Variants in SF3B3 observed in about 807,000 individuals in gnomAD.
SF3B3 encodes splicing factor 3b subunit 3.
A neutral mutation model predicts 139.2 loss-of-function variants in SF3B3; 33 were observed. That is an observed-to-expected ratio of 0.24 (90% CI 0.18 to 0.32). SF3B3 has a LOEUF of 0.32. SF3B3 is among the 10% of genes least tolerant of loss of function. The pLI is 1.00. For missense variants in SF3B3, 818 were observed against 1,509.4 expected (o/e 0.54, Z 7.59); for synonymous variants, 596 against 563.6 (o/e 1.06, Z -0.81).
At chr16:70,552,937 G>A (rs906156602) in intron 11 of SF3B3, among the ~76,000 whole-genome samples, 1 of 152,184 alleles carries the variant, frequency 6.6e-6, no homozygotes, top group Non-Finnish European at 1.5e-5. Context: ...TTTTGAGACA[G>A]TCTCATTCTG....
intron 8 of SF3B3, among the ~76,000 whole-genome samples, chr16:70,541,051 A>G (rs2050215099): frequency 6.6e-6 from 1 of 152,230 alleles, no homozygotes; most frequent in Admixed American, 6.5e-5. Context: ...ACCATTTTAC[A>G]TTCCCAACAG....
At position 70,535,805 on chromosome 16, in the gene SF3B3, A is replaced by G. The variant is rs150157636; in HGVS notation, c.825+385A>G. On this transcript the variant is annotated intron_variant, in intron 6 of 25. Coordinates refer to ENST00000302516, the MANE Select transcript of SF3B3 (RefSeq NM_012426.5). ...GAAAATTCCAACATACAGAAAGTTT[A>G]AAAACAATGAACAATGAATTCCCAC... Among the ~76,000 whole-genome samples, 5 of 151,874 alleles carry G rather than the reference A, an allele frequency of 3.3e-5. No individual in the cohort carries two copies. The South Asian group carries it at 6.2e-4, about 19-fold the overall frequency.
At position 70,575,789 on chromosome 16, in the gene SF3B3, G is replaced by A. The variant is rs1414597076; in HGVS notation, c.*3976G>A. ...TTCAGGAAAAATCAGAAGGTCCCAA[G>A]TCTGAAAAATGAAGAGGTGGGGAGT... On this transcript the variant is annotated 3_prime_UTR_variant, in exon 26 of 26. Transcript: ENST00000302516. 1 of 152,266 alleles carries A rather than the reference G, an allele frequency of 6.6e-6. No homozygotes were observed. Among genetic ancestry groups the A allele is most frequent in the African/African-American group, 2.4e-5 (1 of 41,466 alleles). 9.4% of individuals were successfully genotyped at this position (152,266 alleles called of 1,614,324 possible).
At chr16:70,564,969 T>G in intron 18 of SF3B3, 96 bp from the exon 19 acceptor site, 2 of 1,133,538 alleles carry the variant, frequency 1.8e-6, no homozygotes, top group Non-Finnish European at 2.7e-6. Context: ...CTTTATGTAT[T>G]GAGAACCCCC....
intron 11 of SF3B3, among the ~76,000 whole-genome samples, chr16:70,552,861 T>A (rs898830632): frequency 1.3e-5 from 2 of 152,228 alleles, no homozygotes; most frequent in African/African-American, 4.8e-5. Context: ...TTAAATTGAT[T>A]TTACGTCCTG....
Position 70,561,802 on chromosome 16 carries a change from T to C in SF3B3, c.2288+18T>C. 1.2e-6 allele frequency: 2 copies of C among 1,610,224 alleles called. No individual in the cohort carries two copies. Among genetic ancestry groups the C allele is most frequent in the South Asian group, 1.1e-5 (1 of 90,752 alleles). On this transcript the variant is annotated intron_variant, in intron 17 of 25. Coordinates refer to ENST00000302516, the MANE Select transcript of SF3B3 (RefSeq NM_012426.5). The stretch of plus-strand genomic sequence containing the variant: ...ACCCTACGGTGAGTGAGTCTCATGT[T>C]TGAAGCTCAGCAGGAAGCCTTTCTG...
In SF3B3 at chr16:70,532,482, G is replaced by T; in HGVS notation, c.574G>T (p.Ala192Ser). The T allele has an allele frequency of 1.9e-6, 3 of 1,613,924 alleles. No individual in the cohort carries two copies. The highest frequency in any genetic ancestry group is 8.5e-7 in the Non-Finnish European group (1 of 1,179,902). Reference protein sequence around the residue: ...FACLEMDYEEADNDPTGEAAA... With the variant: ...FACLEMDYEESDNDPTGEAAA... ...TTTATGCCACTATTCTCTGTAGGAAGCAGACAATGATCCAACAGGGGAAGC... is the reference window on the plus strand; with the variant it reads ...TTTATGCCACTATTCTCTGTAGGAATCAGACAATGATCCAACAGGGGAAGC... The change falls in exon 5 of 26, where the codon GCA (alanine) becomes TCA (serine). Residue 192 changes from alanine (A) to serine (S), a missense_variant. Physicochemically the swap from Ala to Ser is moderately conservative, Grantham distance 99. This residue lies in a region of SF3B3 where 144 missense variants were observed against 259.2 expected (regional missense o/e 0.56). Coordinates refer to ENST00000302516, the MANE Select transcript of SF3B3 (RefSeq NM_012426.5).
intron 25 of SF3B3, 31 bp downstream of exon 25, chr16:70,571,230 A>G: frequency 6.7e-7 from 1 of 1,482,436 alleles, no homozygotes. Context: ...CTGAAAAGGG[A>G]GATCTGAGAA....
intron 3 of SF3B3, among the ~76,000 whole-genome samples, chr16:70,530,127 AAAAT>A (rs148897352): frequency 0.56 from 74,859 of 132,724 alleles, 22,348 homozygotes; most frequent in East Asian, 0.69. Flanking sequence ...CTGCATCTCA[AAAAT>A]AAATAAATAA....
chr16:70,565,344 T>C, intron 19 of SF3B3, 24 bp from the exon 20 acceptor site: 1 of 1,614,002 alleles, frequency 6.2e-7, no homozygotes. Context: ...AAGGCCTTAC[T>C]CTTGCTTCTT....
intron 12 of SF3B3, 47 bp from the exon 13 acceptor site, chr16:70,555,004 A>T: frequency 6.3e-7 from 1 of 1,582,114 alleles, no homozygotes; most frequent in Non-Finnish European, 8.7e-7. Context: ...ATTCTGAGTG[A>T]TGAATCAAAT....
Position 70,526,642 on chromosome 16 carries a change from A to G in SF3B3, c.-15A>G, listed in dbSNP as rs1294990490. 1.2e-6 allele frequency: 2 copies of G among 1,609,368 alleles called. No homozygotes were observed. The highest frequency in any genetic ancestry group is 1.7e-6 in the Non-Finnish European group (2 of 1,175,958). On this transcript the variant is annotated 5_prime_UTR_variant, in exon 2 of 26. Transcript: ENST00000302516. ...CAAGGCCTGGAGGTCTGGGTGGCTC[A>G]GGTTTCCTGCAGCCATGTTTCTGTA...
intron 8 of SF3B3, among the ~76,000 whole-genome samples, chr16:70,539,487 G>C (rs1403761837): frequency 6.6e-6 from 1 of 152,110 alleles, no homozygotes; most frequent in Non-Finnish European, 1.5e-5. Flanking sequence ...GGTGGAGATT[G>C]CAGTGAGCTG....
intron 2 of SF3B3, among the ~76,000 whole-genome samples, chr16:70,527,302 A>G (rs1485700248): frequency 6.6e-6 from 1 of 152,260 alleles, no homozygotes; most frequent in East Asian, 1.9e-4. Context: ...CAAATATTGG[A>G]TTAGGAAATA....
intron 13 of SF3B3, 61 bp downstream of exon 13, chr16:70,555,267 T>A (rs922310062): frequency 5.1e-5 from 73 of 1,445,112 alleles, no homozygotes; most frequent in South Asian, 3.1e-4. Context: ...AAGATGGGCA[T>A]TGTAGTCTAG....
intron 14 of SF3B3, 48 bp downstream of exon 14, chr16:70,556,382 A>G (rs779143509): frequency 6.2e-7 from 1 of 1,600,856 alleles, no homozygotes; most frequent in Non-Finnish European, 8.6e-7. Flanking sequence ...GAACCTGAGC[A>G]TCTGGCTCCT....
intron 6 of SF3B3, among the ~76,000 whole-genome samples, chr16:70,535,893 T>C (rs1245275330): frequency 6.6e-6 from 1 of 152,160 alleles, no homozygotes; most frequent in Non-Finnish European, 1.5e-5. Context: ...TCTCATGATA[T>C]ATCCATATAC....
intron 8 of SF3B3, among the ~76,000 whole-genome samples, chr16:70,539,517 C>T (rs954609636): frequency 2.6e-5 from 4 of 151,654 alleles, no homozygotes; most frequent in African/African-American, 9.7e-5. Context: ...CACTGCACTC[C>T]AGCCTGGGTA....
At position 70,532,447 on chromosome 16, in the gene SF3B3, A is replaced by T. The variant is rs751643516; in HGVS notation, c.571-32A>T. 4 of 1,604,646 alleles carry T rather than the reference A, an allele frequency of 2.5e-6. No individual in the cohort carries two copies. In the Admixed American group the frequency reaches 6.7e-5, roughly 27 times the overall value. ...TTTCCAGATCTTCGATTTTATGCTGATGATTAGTTTTTATGCCACTATTCT... is the reference window on the plus strand; with the variant it reads ...TTTCCAGATCTTCGATTTTATGCTGTTGATTAGTTTTTATGCCACTATTCT... On this transcript the variant is annotated intron_variant, in intron 4 of 25. Coordinates refer to ENST00000302516, the MANE Select transcript of SF3B3 (RefSeq NM_012426.5).
Sources: gnomAD v4.1 joint callset for allele counts (sites outside exome capture counted in the v4.1 genomes callset) on GRCh38, gnomAD v4.1.1 for gene constraint, gnomAD v4.1.1 regional missense constraint, MANE v1.5 for transcripts, NCBI Gene and HGNC (gene_info 2026-07-23, HGNC 2026-07-21) for gene names.